Variants in MACROD2 observed in about 807,000 individuals in gnomAD.
MACROD2 encodes the protein mono-ADP ribosylhydrolase 2.
Under a neutral mutation model 70.4 loss-of-function variants are expected in MACROD2, and 36 were observed. The observed-to-expected ratio is 0.51, with a 90% CI of 0.39 to 0.68. MACROD2 has a LOEUF of 0.68. Ranked by LOEUF, MACROD2 falls within the 30% of genes least tolerant of loss-of-function variation. MACROD2 has a pLI of 0.00. For missense variants in MACROD2, 496 were observed against 538.4 expected (o/e 0.92, Z 0.78); for synonymous variants, 172 against 178.8 (o/e 0.96, Z 0.30).
At chr20:14,126,753 T>C (rs1252329988) in intron 3 of MACROD2, among the ~76,000 whole-genome samples, 3 of 152,170 alleles carry the variant, frequency 2.0e-5, no homozygotes, top group African/African-American at 7.2e-5. Context: ...CCTGTGACAA[T>C]TGGTCTTTGA....
chr20:15,693,470 A>G (rs1267863220), intron 8 of MACROD2, among the ~76,000 whole-genome samples: 1 of 152,124 alleles, frequency 6.6e-6, no homozygotes, highest in Non-Finnish European at 1.5e-5. Context: ...TTGGCAACTG[A>G]TAGAGATTTC....
intron 5 of MACROD2, among the ~76,000 whole-genome samples, chr20:15,038,696 G>A (rs939471386): frequency 2.6e-5 from 4 of 152,130 alleles, no homozygotes; most frequent in Admixed American, 6.5e-5. Flanking sequence ...TCATGAGGAC[G>A]AGGTCAGGCC....
At chr20:15,774,614 G>C (rs907140162) in intron 8 of MACROD2, among the ~76,000 whole-genome samples, 4 of 152,052 alleles carry the variant, frequency 2.6e-5, no homozygotes, top group Non-Finnish European at 5.9e-5. Context: ...TACCTAACTG[G>C]AGAGTGAACC....
chr20:14,052,452 C>T (rs986411201), intron 2 of MACROD2, among the ~76,000 whole-genome samples: 3 of 152,086 alleles, frequency 2.0e-5, no homozygotes, highest in African/African-American at 4.8e-5. Context: ...TTGTAACTAA[C>T]TTGTTGATGA....
chr20:14,078,339 T>A lies in MACROD2; in HGVS notation c.164-7282T>A, dbSNP rs1304381735. 2.0e-5 allele frequency among the ~76,000 whole-genome samples: 3 copies of A among 152,238 alleles called. No homozygotes were observed. The East Asian group carries it at 5.8e-4, about 29-fold the overall frequency. On this transcript the variant is annotated intron_variant, in intron 2 of 17. Coordinates refer to ENST00000684519, the MANE Select transcript of MACROD2 (RefSeq NM_001351661.2). ...ATTGTTTCATAGTTATCGAGGATCC[T>A]GTTTAATCAGCATTCAAATCTTTTG...
chr20:15,559,907 G>A (rs1410871750), intron 8 of MACROD2, among the ~76,000 whole-genome samples: 1 of 152,176 alleles, frequency 6.6e-6, no homozygotes, highest in East Asian at 1.9e-4. Flanking sequence ...AAATTAGAAG[G>A]CTGATGTTTT....
chr20:14,830,646 A>G (rs1385754026), intron 5 of MACROD2, among the ~76,000 whole-genome samples: 3 of 152,142 alleles, frequency 2.0e-5, no homozygotes, highest in Middle Eastern at 3.2e-3. Context: ...TCAAAATGTG[A>G]CAATTCAGTT....
At chr20:15,293,980 C>A (rs762914302) in intron 6 of MACROD2, among the ~76,000 whole-genome samples, 1 of 151,896 alleles carries the variant, frequency 6.6e-6, no homozygotes, top group East Asian at 1.9e-4. Context: ...ATTAGCTGGG[C>A]GTGGTGATGG....
At chr20:14,261,440 A>G (rs1030858237) in intron 3 of MACROD2, among the ~76,000 whole-genome samples, 13 of 152,184 alleles carry the variant, frequency 8.5e-5, no homozygotes, top group Admixed American at 6.5e-5. Flanking sequence ...AATATACTTT[A>G]TATCATCTCT....
chr20:15,512,682 G>A (rs1265865298), intron 8 of MACROD2, among the ~76,000 whole-genome samples: 1 of 152,080 alleles, frequency 6.6e-6, no homozygotes, highest in African/African-American at 2.4e-5. Context: ...ACTGAAGCCG[G>A]TTTACACCAC....
At chr20:14,674,819 A>C (rs561087637) in intron 4 of MACROD2, among the ~76,000 whole-genome samples, 3 of 152,334 alleles carry the variant, frequency 2.0e-5, no homozygotes, top group African/African-American at 7.2e-5. Flanking sequence ...ACCCTGTTGT[A>C]TCCTCTTGGG....
At chr20:14,552,361 C>A (rs1568666676) in intron 4 of MACROD2, among the ~76,000 whole-genome samples, 1 of 149,860 alleles carries the variant, frequency 6.7e-6, no homozygotes, top group African/African-American at 2.5e-5. Flanking sequence ...AGAGAAGGCA[C>A]CTCTTTCTCA....
chr20:15,044,347 A>C (rs566904358), intron 5 of MACROD2, among the ~76,000 whole-genome samples: 1 of 152,308 alleles, frequency 6.6e-6, no homozygotes, highest in South Asian at 2.1e-4. Flanking sequence ...GGGACTGAAT[A>C]TATATTTGTT....
rs199554223 is a variant in MACROD2 at position 16,024,431 on chromosome 20, A to C, written c.1154-16770A>C. The stretch of plus-strand genomic sequence containing the variant: ...AGTAACAAATAGCTATAAAAAATAC[A>C]ACTTCCTTCCTACATAATAAAAATG... On this transcript the variant is annotated intron_variant, in intron 15 of 17. Transcript: ENST00000684519. Among the ~76,000 whole-genome samples, 6 of 152,280 alleles carry C rather than the reference A, an allele frequency of 3.9e-5. No homozygotes were observed. In the East Asian group the frequency reaches 1.2e-3, roughly 29 times the overall value.
intron 3 of MACROD2, among the ~76,000 whole-genome samples, chr20:14,259,829 G>A (rs2082087732): frequency 6.6e-6 from 1 of 152,200 alleles, no homozygotes; most frequent in Admixed American, 6.5e-5. Flanking sequence ...AGCCTCTGCT[G>A]TCTATCCTTT....
chr20:14,454,910 G>A (rs985174739), intron 3 of MACROD2, among the ~76,000 whole-genome samples: 3 of 151,862 alleles, frequency 2.0e-5, no homozygotes, highest in African/African-American at 7.3e-5. Context: ...CCACCACCAC[G>A]CCTGGCTAAT....
intron 5 of MACROD2, among the ~76,000 whole-genome samples, chr20:15,154,040 T>G (rs2076289947): frequency 6.6e-6 from 1 of 152,190 alleles, no homozygotes; most frequent in African/African-American, 2.4e-5. Flanking sequence ...TCACTGAAGC[T>G]CAATAGACTA....
intron 3 of MACROD2, among the ~76,000 whole-genome samples, chr20:14,105,908 G>C (rs908243437): frequency 2.0e-5 from 3 of 152,202 alleles, no homozygotes; most frequent in Admixed American, 2.0e-4. Flanking sequence ...AAAGGACCCA[G>C]TCCTGGCAGG....
At chr20:15,624,812 A>G (rs1485666051) in intron 8 of MACROD2, among the ~76,000 whole-genome samples, 1 of 152,176 alleles carries the variant, frequency 6.6e-6, no homozygotes, top group Non-Finnish European at 1.5e-5. Flanking sequence ...CATTTTAAAC[A>G]TTGGGCACCA....
Sources: gnomAD v4.1 joint callset for allele counts (sites outside exome capture counted in the v4.1 genomes callset) on GRCh38, gnomAD v4.1.1 for gene constraint, MANE v1.5 for transcripts, NCBI Gene and HGNC (gene_info 2026-07-23, HGNC 2026-07-21) for gene names.